The following MUC5B variants were observed in gnomAD, a reference collection of about 807,000 sequenced individuals.
The protein encoded by MUC5B is mucin 5B, oligomeric mucus/gel-forming.
MUC5B carries 116 observed loss-of-function variants against 376.9 expected under a neutral mutation model. The ratio of observed to expected loss-of-function variants is 0.31; its 90% CI spans 0.26 to 0.36. MUC5B has a LOEUF of 0.36. Among genes scored for constraint, MUC5B ranks in the 10% least tolerant of loss-of-function variants. The probability of loss-of-function intolerance (pLI) is 1.00; values close to 1 mark genes in which losing one functional copy is unlikely to be tolerated. For missense variants in MUC5B, 7,165 were observed against 7,769.9 expected (o/e 0.92, Z 2.93); for synonymous variants, 3,517 against 3,390.9 (o/e 1.04, Z -1.29).
intron 25 of MUC5B, 31 bp downstream of exon 25, chr11:1,237,195 G>A (rs764786428): frequency 7.2e-7 from 1 of 1,382,828 alleles, no homozygotes; most frequent in Admixed American, 3.1e-5. Flanking sequence ...GGCAGGGTCT[G>A]GTGGGGATGG....
At position 1,253,039 on chromosome 11, in the gene MUC5B, C is replaced by A. The variant is rs117735462; in HGVS notation, c.15217+59C>A. 5.8e-6 allele frequency: 8 copies of A among 1,376,514 alleles called. No homozygotes were observed. The South Asian group carries it at 9.1e-5, about 16-fold the overall frequency. 85.3% of individuals were successfully genotyped at this position (1,376,514 alleles called of 1,614,324 possible). ...GGGCAGGTGGAGCAGAGTGCACCGT[C>A]GGCTAGGCTGGCAGAATGGGGCATG... On this transcript the variant is annotated intron_variant, in intron 33 of 48. Transcript: ENST00000529681. The surrounding 1 kb of genome is among the most constrained non-coding windows in gnomAD (Gnocchi z 4.3).
chr11:1,249,581 C>A lies in MUC5B; in HGVS notation c.12701C>A (p.Thr4234Asn), dbSNP rs748596725. 1.2e-6 allele frequency: 2 copies of A among 1,612,482 alleles called. No individual in the cohort carries two copies. ...NYGHCPSTPATSSTAMPSSTP... is the reference protein window; with the variant it reads ...NYGHCPSTPANSSTAMPSSTP... ...GGCCACTGCCCCAGCACCCCGGCCA[C>A]CAGCTCTACGGCCATGCCCTCCTCC... Residue 4234 changes from threonine to asparagine, a missense_variant, in exon 31 of 49, where the codon ACC becomes AAC. Transcript: ENST00000529681.
chr11:1,250,690 A>G lies in MUC5B; in HGVS notation c.13810A>G (p.Thr4604Ala). ...PTTTTTGFTA[T>A]PSSSPGTALT... ...TACCACAACCACGGGCTTCACAGCC[A>G]CCCCCTCCTCCAGCCCAGGGACGGC... The change falls in exon 31 of 49, where the codon ACC becomes GCC. Residue 4604 changes from threonine (T) to alanine (A), a missense_variant. By Grantham distance (58) the Thr-to-Ala change is moderately conservative (BLOSUM62 0). Coordinates refer to ENST00000529681, the MANE Select transcript of MUC5B (RefSeq NM_002458.3). 1 of 1,612,158 alleles carries G rather than the reference A, an allele frequency of 6.2e-7. No homozygotes were observed. Among genetic ancestry groups the G allele is most frequent in the Non-Finnish European group, 8.5e-7 (1 of 1,179,432 alleles).
At position 1,235,338 on chromosome 11, in the gene MUC5B, C is replaced by G; in HGVS notation, c.2805C>G (p.Phe935Leu). 6.2e-7 allele frequency: 1 copy of G among 1,612,976 alleles called. No individual in the cohort carries two copies. Among genetic ancestry groups the G allele is most frequent in the Non-Finnish European group, 8.5e-7 (1 of 1,179,774 alleles). ...GGGACAACACCACCCACGGGACCTT[C>G]CGCATCGTCACCGAGAACATCCCCT... Reference protein sequence around the residue: ...YCGDNTTHGTFRIVTENIPCG... With the variant: ...YCGDNTTHGTLRIVTENIPCG... Residue 935 changes from phenylalanine to leucine, a missense_variant, in exon 23 of 49, where the codon TTC becomes TTG. Coordinates refer to ENST00000529681, the MANE Select transcript of MUC5B (RefSeq NM_002458.3).
intron 1 of MUC5B, 29 bp downstream of exon 1, chr11:1,223,222 G>A (rs745481658): frequency 1.1e-5 from 8 of 708,394 alleles, no homozygotes; most frequent in African/African-American, 8.7e-5. Context: ...GCCCCCTCTC[G>A]ATGCTGTCTT....
chr11:1,227,373 G>T lies in MUC5B; in HGVS notation c.642G>T (p.Pro214=). The change falls in exon 6 of 49, where the codon CCG becomes CCT. Residue 214 remains proline, a synonymous_variant. Transcript: ENST00000529681. ...TGTGTGGGGACTTCAACGGCCTCCC[G>T]GCCTTCAACGAGTTCTATGCCCACA... The part of the protein sequence containing the change: ...CGLCGDFNGL[P]AFNEFYAHNA... 6.2e-7 allele frequency: 1 copy of T among 1,612,064 alleles called. No homozygotes were observed.
At chr11:1,233,331 C>T (rs1287565467) in intron 18 of MUC5B, 63 bp downstream of exon 18, 18 of 1,447,722 alleles carry the variant, frequency 1.2e-5, no homozygotes, top group Middle Eastern at 2.0e-4. Flanking sequence ...CCGCCCTCCC[C>T]GAAGGCTTCT....
chr11:1,261,947 A>T lies in MUC5B; in HGVS notation c.*339A>T, dbSNP rs1863007848. The T allele has an allele frequency of 7.5e-6, 4 of 530,830 alleles. No homozygotes were observed. The highest frequency in any genetic ancestry group is 6.1e-5 in the South Asian group (4 of 65,528). The allele number at this position is 530,830 out of a possible 1,614,324, so 32.9% of individuals were successfully genotyped here. ...GCCACGGCCGGAGCGCCCGCGCAGC[A>T]CGGATTCCAGCTGGCCACGTCCGGC... On this transcript the variant is annotated 3_prime_UTR_variant, in exon 49 of 49. Transcript: ENST00000529681.
chr11:1,239,722 C>A, intron 27 of MUC5B, 77 bp from the exon 28 acceptor site: 1 of 1,515,614 alleles, frequency 6.6e-7, no homozygotes, highest in Non-Finnish European at 8.8e-7. Context: ...GGGGCGGCTA[C>A]TCCCTGCAGC....
chr11:1,223,071 G>T lies in MUC5B; in HGVS notation c.-53G>T. On this transcript the variant is annotated 5_prime_UTR_variant, in exon 1 of 49. Transcript: ENST00000529681. ...GGGCCCCCAGGGGAGCAAGCACCCG[G>T]CCCGGCTCCCTCCCTGCCCGTCCCC... 1 of 687,302 alleles carries T rather than the reference G, an allele frequency of 1.5e-6. No individual in the cohort carries two copies. Among genetic ancestry groups the T allele is most frequent in the Non-Finnish European group, 2.7e-6 (1 of 377,146 alleles). 42.6% of individuals were successfully genotyped at this position (687,302 alleles called of 1,614,324 possible). A position where few individuals can be genotyped will look rare whatever the true frequency, so the allele number is the denominator to read the frequency against.
At chr11:1,226,397 C>A in intron 3 of MUC5B, 121 bp downstream of exon 3, 1 of 1,362,834 alleles carries the variant, frequency 7.3e-7, no homozygotes, top group Non-Finnish European at 1.0e-6. Flanking sequence ...CCAGAGTCCT[C>A]CGTGTGGGCG....
At position 1,251,114 on chromosome 11, in the gene MUC5B, C is replaced by G. The variant is rs1554939588; in HGVS notation, c.14234C>G (p.Ser4745Cys). 1 of 1,611,436 alleles carries G rather than the reference C, an allele frequency of 6.2e-7. No individual in the cohort carries two copies. Among genetic ancestry groups the G allele is most frequent in the Non-Finnish European group, 8.5e-7 (1 of 1,178,306 alleles). The change falls in exon 31 of 49, where the codon TCC (serine) becomes TGC (cysteine). Residue 4745 changes from serine (S) to cysteine (C), a missense_variant. By Grantham distance (112) the Ser-to-Cys change is moderately radical (BLOSUM62 -1). This residue lies in a region of MUC5B where 730 missense variants were observed against 592.7 expected (regional missense o/e 1.23). Transcript: ENST00000529681. Reference protein sequence around the residue: ...LPVLTSTATKSTATSFTPIPS... With the variant: ...LPVLTSTATKCTATSFTPIPS... ...GTGCTGACAAGCACAGCCACAAAAT[C>G]CACAGCTACCAGCTTTACACCCATC...
Position 1,249,150 on chromosome 11 carries a change from C to A in MUC5B, c.12270C>A (p.Thr4090=). ...PSPGTTTPGH[T]TATSRTTATA... is the part of the protein sequence containing the mutation. ...CAGGGACGACCACCCCGGGCCACAC[C>A]ACGGCCACCTCCAGGACCACGGCCA... The change falls in exon 31 of 49, where the codon ACC becomes ACA. Residue 4090 remains threonine, a synonymous_variant. Coordinates refer to ENST00000529681, the MANE Select transcript of MUC5B (RefSeq NM_002458.3). The A allele has an allele frequency of 2.5e-6, 4 of 1,611,398 alleles. No homozygotes were observed. Among genetic ancestry groups the A allele is most frequent in the Non-Finnish European group, 3.4e-6 (4 of 1,179,554 alleles).
rs373133419 is a variant in MUC5B, at chr11:1,239,809, G to A, written c.3594G>A (p.Pro1198=). Residue 1198 remains proline, a synonymous_variant, in exon 28 of 49, where the codon CCG becomes CCA. Coordinates refer to ENST00000529681, the MANE Select transcript of MUC5B (RefSeq NM_002458.3). ...CCCTGCCGGCCCTAGGCTGCTACCCGAAGTGCCCACCCAGCCAGCCCTTCT... is the reference window on the plus strand; with the variant it reads ...CCCTGCCGGCCCTAGGCTGCTACCCAAAGTGCCCACCCAGCCAGCCCTTCT... ...VDLPGLEGCY[P]KCPPSQPFFN... 8.1e-6 allele frequency: 13 copies of A among 1,610,824 alleles called. No individual in the cohort carries two copies. Among genetic ancestry groups the A allele is most frequent in the East Asian group, 2.2e-5 (1 of 44,760 alleles).
intron 1 of MUC5B, among the ~76,000 whole-genome samples, chr11:1,224,611 C>A (rs997343712): frequency 6.8e-6 from 1 of 147,558 alleles, no homozygotes; most frequent in African/African-American, 2.5e-5. Context: ...CTGCCTGCGG[C>A]GGGAGCCGGG....
At position 1,247,058 on chromosome 11, in the gene MUC5B, C is replaced by T. The variant is rs181236237; in HGVS notation, c.10178C>T (p.Thr3393Met). The T allele has an allele frequency of 2.0e-4, 308 of 1,558,176 alleles. 1 individual carries two copies. In the East Asian group the frequency reaches 6.7e-3, roughly 34 times the overall value. Residue 3393 changes from threonine to methionine, a missense_variant, in exon 31 of 49, where the codon ACG (threonine) becomes ATG (methionine). Transcript: ENST00000529681. ...TSGTPPSLTT[T>M]ATTITATGST... ...GGTACTCCCCCATCACTGACCACCA[C>T]GGCCACTACGATCACAGCCACCGGC...
rs772164283 is a variant in MUC5B, at chr11:1,247,438, G to A, written c.10558G>A (p.Glu3520Lys). The change falls in exon 31 of 49, where the codon GAG (glutamate) becomes AAG (lysine). Residue 3520 changes from glutamate to lysine, a missense_variant. Glu to Lys is a moderately conservative substitution (Grantham distance 56). Around this residue, in one of 31 missense-constraint regions of MUC5B, gnomAD observed 939 missense variants for 770.6 expected, o/e 1.22. Transcript: ENST00000529681. ...SSPHPSSRTT[E>K]SPPSPGTTTP... Reference sequence around the variant, plus strand: ...CCCTCACCCTAGCAGCAGGACCACCGAGTCACCCCCTTCTCCAGGGACGAC... The same window carrying A: ...CCCTCACCCTAGCAGCAGGACCACCAAGTCACCCCCTTCTCCAGGGACGAC... The A allele has an allele frequency of 1.4e-5, 22 of 1,609,116 alleles. No homozygotes were observed. Among genetic ancestry groups the A allele is most frequent in the Middle Eastern group, 2.2e-4 (1 of 4,460 alleles).
chr11:1,245,783 A>G lies in MUC5B; in HGVS notation c.8903A>G (p.Tyr2968Cys). 1 of 1,612,552 alleles carries G rather than the reference A, an allele frequency of 6.2e-7. No homozygotes were observed. Among genetic ancestry groups the G allele is most frequent in the Non-Finnish European group, 8.5e-7 (1 of 1,179,640 alleles). The change falls in exon 31 of 49, where the codon TAC becomes TGC. Residue 2968 changes from tyrosine (Y) to cysteine (C), a missense_variant. By Grantham distance (194) the Tyr-to-Cys change is radical. Around this residue, in one of 31 missense-constraint regions of MUC5B, gnomAD observed 57 missense variants for 167.2 expected, o/e 0.34. Transcript: ENST00000529681. ...GAAATCCGTGTGTTCTGCTGCAACTACGGCCACTGCCCCAGCACCCCGGCC... is the reference window on the plus strand; with the variant it reads ...GAAATCCGTGTGTTCTGCTGCAACTGCGGCCACTGCCCCAGCACCCCGGCC... ...NYEIRVFCCN[Y>C]GHCPSTPATS...
rs371760181 is a variant in MUC5B, at chr11:1,237,083, G to A, written c.3216G>A (p.Thr1072=). The A allele has an allele frequency of 9.0e-6, 14 of 1,561,370 alleles. No individual in the cohort carries two copies. The highest frequency in any genetic ancestry group is 4.8e-5 in the East Asian group (2 of 41,586). ...PDALAPKDPC[T]ANPFRKSWAQ... is the part of the protein sequence containing the mutation. ...CCCTGGCACCCAAGGACCCCTGCAC[G>A]GCCAACCCCTTCCGCAAGTCCTGGG... is the stretch of plus-strand genomic sequence containing the variant. Residue 1072 remains threonine, a synonymous_variant, in exon 25 of 49, where the codon ACG becomes ACA. Coordinates refer to ENST00000529681, the MANE Select transcript of MUC5B (RefSeq NM_002458.3).
Sources: allele counts gnomAD v4.1 joint callset (sites outside exome capture counted in the v4.1 genomes callset), GRCh38; gene constraint gnomAD v4.1.1; regional missense constraint gnomAD v4.1.1; non-coding constraint Gnocchi (gnomAD v3.1); transcripts MANE v1.5; gene names NCBI Gene and HGNC (gene_info 2026-07-23, HGNC 2026-07-21).